The following IFT140 variants were observed in gnomAD, a reference collection of about 807,000 sequenced individuals.
The protein encoded by IFT140 is intraflagellar transport 140.
Under a neutral mutation model 164.6 loss-of-function variants are expected in IFT140, and 133 were observed. That is an observed-to-expected ratio of 0.81 (90% confidence interval 0.70 to 0.93). The LOEUF (loss-of-function observed/expected upper bound fraction) is 0.93, where lower values mean the gene tolerates loss of function less well. Ranked by LOEUF, IFT140 falls within the 40% of genes least tolerant of loss-of-function variation. The pLI is 0.00. For missense variants in IFT140, 2,045 were observed against 1,972.3 expected, an observed-to-expected ratio of 1.04 and a Z score of -0.70; for synonymous variants, 860 against 817.3, an observed-to-expected ratio of 1.05 and a Z score of -0.89.
At chr16:1,523,405 C>T (rs1421473230) in intron 26 of IFT140, 113 bp downstream of exon 26, 1 of 1,186,674 alleles carries the variant, frequency 8.4e-7, no homozygotes, top group African/African-American at 1.5e-5. Flanking sequence ...CCACCGCAGC[C>T]TTCCTGGAGA....
At chr16:1,604,525 G>GC (rs1205814426) in intron 3 of IFT140, 1 of 152,400 alleles carries the variant, frequency 6.6e-6, no homozygotes, top group Non-Finnish European at 1.5e-5. Context: ...CCTGGGAGGC[G>GC]CTAGGGGCCA....
rs1223836161 is a variant in IFT140 at position 1,607,201 on chromosome 16, G to C, written c.66C>G (p.Ser22Arg). The C allele has an allele frequency of 6.2e-7, 1 of 1,614,144 alleles. No homozygotes were observed. The highest frequency in any genetic ancestry group is 8.5e-7 in the Non-Finnish European group (1 of 1,180,000). ...PDAAGSPSFI[S>R]WHPVHPFLAV... The stretch of plus-strand genomic sequence containing the variant: ...CCAAGAATGGATGGACAGGGTGCCA[G>C]CTGATAAATGAGGGTGACCCTGCTG... The change falls in exon 3 of 31, where the codon AGC becomes AGG. Residue 22 changes from serine (S) to arginine (R), a missense_variant. Ser to Arg is a moderately radical substitution (Grantham distance 110, BLOSUM62 -1). Coordinates refer to ENST00000426508, the MANE Select transcript of IFT140 (RefSeq NM_014714.4).
At chr16:1,548,797 T>C (rs1340382743) in intron 19 of IFT140, among the ~76,000 whole-genome samples, 9 of 152,212 alleles carry the variant, frequency 5.9e-5, no homozygotes, top group Admixed American at 5.9e-4. Flanking sequence ...TGCAGCTGAC[T>C]CAGTCACCTT....
chr16:1,595,878 T>A (rs1019502864), intron 4 of IFT140, among the ~76,000 whole-genome samples: 8 of 151,990 alleles, frequency 5.3e-5, no homozygotes, highest in African/African-American at 1.9e-4. Context: ...CATGGCGAAA[T>A]CCTGTCTCTA....
At chr16:1,587,856 C>T in intron 8 of IFT140, 77 bp downstream of exon 8, 1 of 1,149,090 alleles carries the variant, frequency 8.7e-7, no homozygotes, top group Non-Finnish European at 1.3e-6. Context: ...ATGCTCCATT[C>T]CAACACAAAG....
At chr16:1,588,506 C>T (rs2035010952) in intron 7 of IFT140, among the ~76,000 whole-genome samples, 1 of 122,440 alleles carries the variant, frequency 8.2e-6, no homozygotes, top group Non-Finnish European at 1.7e-5. Context: ...GCCTGGGTGA[C>T]AGAGCAAGAC....
Position 1,551,943 on chromosome 16 carries a change from C to G in IFT140, c.2399+5992G>C, listed in dbSNP as rs1451046746. On this transcript the variant is annotated intron_variant, in intron 19 of 30. Coordinates refer to ENST00000426508, the MANE Select transcript of IFT140 (RefSeq NM_014714.4). This position sits in a 1 kb window ranked among gnomAD's most constrained non-coding sequence, Gnocchi z 4.0. ...CTGGTGATGTCCCCGGGGCCTCTCC[C>G]TGGTGACGTGTGGCCCGCGCTGTCC... Among the ~76,000 whole-genome samples the G allele has an allele frequency of 6.6e-6, 1 of 152,166 alleles. No individual in the cohort carries two copies. The highest frequency in any genetic ancestry group is 6.5e-5 in the Admixed American group (1 of 15,286).
At chr16:1,589,806 A>G (rs147585083) in intron 6 of IFT140, 26 bp from the exon 7 acceptor site, 1 of 1,591,472 alleles carries the variant, frequency 6.3e-7, no homozygotes, top group African/African-American at 1.3e-5. Flanking sequence ...GGGTCACTAC[A>G]TGAGGAGGCC....
At chr16:1,511,241 AG>A (rs1934406944) in intron 30 of IFT140, 91 bp from the exon 31 acceptor site, 1 of 1,299,872 alleles carries the variant, frequency 7.7e-7, no homozygotes, top group South Asian at 1.3e-5. Flanking sequence ...CTGCCCCTGG[AG>A]GCGGGTGGGG....
At chr16:1,517,680 T>A (rs2040404766) in intron 30 of IFT140, among the ~76,000 whole-genome samples, 1 of 152,202 alleles carries the variant, frequency 6.6e-6, no homozygotes, top group Non-Finnish European at 1.5e-5. Context: ...GGAACACCAT[T>A]TTCTTTTTTT....
chr16:1,520,593 G>A lies in IFT140; in HGVS notation c.3660+9C>T, dbSNP rs1246015008. On this transcript the variant is annotated intron_variant, in intron 27 of 30. Coordinates refer to ENST00000426508, the MANE Select transcript of IFT140 (RefSeq NM_014714.4). ...AGGTAGCCGCGGGCTGGGGCCGGGA[G>A]AGGCTCACCTTCAGCTTGTTGCCGG... 1 of 1,566,652 alleles carries A rather than the reference G, an allele frequency of 6.4e-7. No homozygotes were observed. Among genetic ancestry groups the A allele is most frequent in the Admixed American group, 1.8e-5 (1 of 55,136 alleles).
At chr16:1,539,354 G>T (rs547753036) in intron 19 of IFT140, among the ~76,000 whole-genome samples, 22 of 152,246 alleles carry the variant, frequency 1.4e-4, no homozygotes, top group African/African-American at 4.6e-4. Flanking sequence ...GCCGCCCCAC[G>T]CCTTAGGCCT....
intron 4 of IFT140, among the ~76,000 whole-genome samples, chr16:1,602,044 T>G (rs1368932097): frequency 6.6e-6 from 1 of 152,232 alleles, no homozygotes; most frequent in African/African-American, 2.4e-5. Flanking sequence ...CACTGCCCCA[T>G]GTCCCCTGGG....
chr16:1,572,285 T>C (rs148058696), intron 13 of IFT140, among the ~76,000 whole-genome samples: 1 of 152,310 alleles, frequency 6.6e-6, no homozygotes, highest in Non-Finnish European at 1.5e-5. Context: ...ATCATTTATA[T>C]TTTCAAAGCA....
At chr16:1,585,281 C>T (rs1208340916) in intron 10 of IFT140, among the ~76,000 whole-genome samples, 1 of 152,174 alleles carries the variant, frequency 6.6e-6, no homozygotes, top group East Asian at 1.9e-4. Flanking sequence ...CTGGAGGGGC[C>T]TTGAAACCTC....
At chr16:1,594,227 T>G (rs1379612316) in intron 4 of IFT140, among the ~76,000 whole-genome samples, 2 of 114,862 alleles carry the variant, frequency 1.7e-5, no homozygotes, top group African/African-American at 5.3e-5. Context: ...AAGTTTTTTG[T>G]TTTTTTTTTT....
At chr16:1,603,969 C>G (rs1271843823) in intron 3 of IFT140, among the ~76,000 whole-genome samples, 1 of 152,138 alleles carries the variant, frequency 6.6e-6, no homozygotes, top group African/African-American at 2.4e-5. Flanking sequence ...ACTGGAAACA[C>G]AGAAATATGC....
rs377217453 is a variant in IFT140 at position 1,584,277 on chromosome 16, G to A, written c.1299C>T (p.Ser433=). The A allele has an allele frequency of 1.4e-5, 23 of 1,613,846 alleles. No individual in the cohort carries two copies. Among genetic ancestry groups the A allele is most frequent in the Non-Finnish European group, 1.9e-5 (23 of 1,180,020 alleles). The change falls in exon 11 of 31, where the codon TCC becomes TCT. Residue 433 remains serine, a synonymous_variant. Coordinates refer to ENST00000426508, the MANE Select transcript of IFT140 (RefSeq NM_014714.4). ...SPSLLNVCFL[S]TGVAHSLRTD... ...TGCGCAGGCTGTGTGCGACCCCCGTGGACAGGAAGCACACATTCAGCAGAC... is the reference window on the plus strand; with the variant it reads ...TGCGCAGGCTGTGTGCGACCCCCGTAGACAGGAAGCACACATTCAGCAGAC...
At chr16:1,590,493 C>T (rs2035123531) in intron 6 of IFT140, among the ~76,000 whole-genome samples, 1 of 152,158 alleles carries the variant, frequency 6.6e-6, no homozygotes, top group Non-Finnish European at 1.5e-5. Context: ...CGCCTGCCTC[C>T]TGCCAGGCTC....
Sources: allele counts gnomAD v4.1 joint callset (sites outside exome capture counted in the v4.1 genomes callset), GRCh38; gene constraint gnomAD v4.1.1; non-coding constraint Gnocchi (gnomAD v3.1); transcripts MANE v1.5; gene names NCBI Gene and HGNC (gene_info 2026-07-23, HGNC 2026-07-21).